The following WDR36 variants were observed in gnomAD, a reference collection of about 807,000 sequenced individuals.
WDR36 encodes the protein WD repeat domain 36, also known as WD repeat-containing protein 36.
A neutral mutation model predicts 112.7 loss-of-function variants in WDR36; 63 were observed. That is an observed-to-expected ratio of 0.56 (90% CI 0.46 to 0.69). The LOEUF (loss-of-function observed/expected upper bound fraction) is 0.69, where lower values mean the gene tolerates loss of function less well. WDR36 is among the 30% of genes least tolerant of loss of function. WDR36 has a pLI of 0.00. For synonymous variants in WDR36, 410 were observed against 362.2 expected (o/e 1.13, Z -1.50); for missense variants, 1,226 against 1,070.3 (o/e 1.15, Z -2.03).
intron 12 of WDR36, among the ~76,000 whole-genome samples, chr5:111,108,053 T>C (rs753374399): frequency 5.9e-5 from 9 of 151,392 alleles, no homozygotes; most frequent in Non-Finnish European, 8.9e-5. Context: ...AGGGATTTCA[T>C]TTTGATTTTA....
chr5:111,111,537 G>A, intron 15 of WDR36: 1 of 396,658 alleles, frequency 2.5e-6, no homozygotes, highest in Non-Finnish European at 4.7e-6. Context: ...ATACTTTAGA[G>A]AATGAATGAT....
chr5:111,123,703 C>A, intron 19 of WDR36, 102 bp from the exon 20 acceptor site: 1 of 1,449,938 alleles, frequency 6.9e-7, no homozygotes, highest in Non-Finnish European at 9.5e-7. Context: ...TTTCATTCCT[C>A]TTTTACTTTT....
At chr5:111,094,987 CTTTTT>C in intron 2 of WDR36, 40 bp downstream of exon 2, 1 of 1,565,690 alleles carries the variant, frequency 6.4e-7, no homozygotes, top group Non-Finnish European at 8.7e-7. Flanking sequence ...CACATCTAAA[CTTTTT>C]TTTTATTTTG....
chr5:111,100,030 A>T (rs1301130018), intron 4 of WDR36, among the ~76,000 whole-genome samples: 1 of 151,792 alleles, frequency 6.6e-6, no homozygotes, highest in African/African-American at 2.4e-5. Context: ...ACCACTGGTG[A>T]TGCCACCCCC....
In WDR36 at chr5:111,116,859, G is replaced by T. The variant is rs185535057; in HGVS notation, c.1797-2154G>T. Among the ~76,000 whole-genome samples, 338 of 152,312 alleles carry T rather than the reference G, an allele frequency of 2.2e-3. 2 individuals carry two copies. Among genetic ancestry groups the T allele is most frequent in the Middle Eastern group, 0.017 (5 of 294 alleles). On this transcript the variant is annotated intron_variant, in intron 16 of 22. Coordinates refer to ENST00000513710, the MANE Select transcript of WDR36 (RefSeq NM_139281.3). ...TTTGAAGTAAAATAAGTTTGCTCAA[G>T]CAGTAAGCTTTTTAACAGATAGTAC...
chr5:111,099,024 G>A (rs1437173650), intron 4 of WDR36, among the ~76,000 whole-genome samples, 185 bp downstream of exon 4: 1 of 152,108 alleles, frequency 6.6e-6, no homozygotes, highest in East Asian at 1.9e-4. Flanking sequence ...ACTTTAGCAA[G>A]TTAACTACTT....
At chr5:111,126,488 C>G (rs972775063) in intron 22 of WDR36, among the ~76,000 whole-genome samples, 3 of 152,042 alleles carry the variant, frequency 2.0e-5, no homozygotes, top group Admixed American at 2.0e-4. Context: ...AGTATCAGGA[C>G]TGTCCTTAGG....
chr5:111,103,446 T>C (rs1753161189), intron 6 of WDR36, among the ~76,000 whole-genome samples: 1 of 151,794 alleles, frequency 6.6e-6, no homozygotes, highest in African/African-American at 2.4e-5. Flanking sequence ...TTTTTCTGTT[T>C]CCATCCAGTC....
chr5:111,110,353 T>C (rs755355145), intron 13 of WDR36, 50 bp downstream of exon 13: 3 of 1,414,530 alleles, frequency 2.1e-6, no homozygotes, highest in Admixed American at 1.7e-5. Flanking sequence ...GATACAAAAC[T>C]AGTAGTGAAA....
At position 111,125,778 on chromosome 5, in the gene WDR36, C is replaced by T; in HGVS notation, c.2521C>T (p.Leu841Phe). Reference sequence around the variant, plus strand: ...TGATTTTGAGTTAGCCCAGGCATACCTTGCATTGTTTCTAAAGGTAAGTCT... The same window carrying T: ...TGATTTTGAGTTAGCCCAGGCATACTTTGCATTGTTTCTAAAGGTAAGTCT... ...KRDFELAQAY[L>F]ALFLKLHLKM... The change falls in exon 22 of 23, where the codon CTT becomes TTT. Residue 841 changes from leucine (L) to phenylalanine (F), a missense_variant. Coordinates refer to ENST00000513710, the MANE Select transcript of WDR36 (RefSeq NM_139281.3). 1.2e-6 allele frequency: 2 copies of T among 1,613,726 alleles called. No homozygotes were observed. The highest frequency in any genetic ancestry group is 1.7e-6 in the Non-Finnish European group (2 of 1,179,774).
intron 10 of WDR36, among the ~76,000 whole-genome samples, chr5:111,105,578 T>C (rs1038024900): frequency 5.9e-5 from 9 of 151,530 alleles, no homozygotes; most frequent in Non-Finnish European, 1.2e-4. Context: ...ACATCTTGGG[T>C]GGTAAAAACA....
chr5:111,119,724 A>G (rs1017749437), intron 17 of WDR36, among the ~76,000 whole-genome samples: 2 of 152,140 alleles, frequency 1.3e-5, no homozygotes, highest in African/African-American at 4.8e-5. Flanking sequence ...TTATAAAAGA[A>G]TTAATTATAA....
intron 22 of WDR36, 108 bp downstream of exon 22, chr5:111,125,903 T>C (rs990078470): frequency 2.7e-5 from 30 of 1,127,644 alleles, no homozygotes; most frequent in Non-Finnish European, 3.6e-5. Flanking sequence ...TCCTTTCCAG[T>C]ATCATAGCCA....
rs200337257 is a variant in WDR36 at position 111,092,567 on chromosome 5, G to C, written c.111G>C (p.Lys37Asn). The part of the protein sequence containing the change: ...IPHVVRFSAL[K>N]RRFYVTTCVG... ...ACGTGGTGCGGTTCAGCGCGCTCAA[G>C]CGCCGGTTCTATGTAACAACCTGCG... The change falls in exon 1 of 23, where the codon AAG (lysine) becomes AAC (asparagine). Residue 37 changes from lysine (K) to asparagine (N), a missense_variant. By Grantham distance (94) the Lys-to-Asn change is moderately conservative (BLOSUM62 0). Transcript: ENST00000513710. 1.2e-6 allele frequency: 2 copies of C among 1,614,090 alleles called. No homozygotes were observed. Among genetic ancestry groups the C allele is most frequent in the Non-Finnish European group, 1.7e-6 (2 of 1,180,048 alleles).
rs775342501 is a variant in WDR36 at position 111,107,407 on chromosome 5, A to C, written c.1294A>C (p.Lys432Gln). The C allele has an allele frequency of 2.5e-6, 4 of 1,610,384 alleles. No individual in the cohort carries two copies. In the East Asian group the frequency reaches 6.7e-5, roughly 27 times the overall value. Residue 432 changes from lysine (K) to glutamine (Q), a missense_variant, in exon 12 of 23, where the codon AAA becomes CAA. Transcript: ENST00000513710. ...STIGAYFLKP[K>Q]ELKKDDITAT... ...AATAGGCGCTTACTTTCTCAAGCCA[A>C]AAGAGTTGAAGAAAGATGACATAAC...
chr5:111,129,298 A>T lies in WDR36; in HGVS notation c.*2415A>T, dbSNP rs1358185621. ...TTCAGGCCAGAGTATAACCATTTTT[A>T]ATTTGAAGAGATACTTCCATTTGGG... On this transcript the variant is annotated 3_prime_UTR_variant, in exon 23 of 23. Transcript: ENST00000513710. The T allele has an allele frequency of 1.5e-5, 3 of 195,674 alleles. No individual in the cohort carries two copies. The highest frequency in any genetic ancestry group is 3.2e-5 in the Non-Finnish European group (3 of 94,240). 12.1% of individuals were successfully genotyped at this position (195,674 alleles called of 1,614,324 possible).
chr5:111,126,871 T>C lies in WDR36; in HGVS notation c.2676T>C (p.Ser892=), dbSNP rs2112594715. The change falls in exon 23 of 23, where the codon AGT becomes AGC. Residue 892 remains serine, a synonymous_variant. Coordinates refer to ENST00000513710, the MANE Select transcript of WDR36 (RefSeq NM_139281.3). Reference sequence around the variant, plus strand: ...TGTGTATTTTAAATTATCTCAAAAGTGCTTTGTTGTAAAAATAAATTTGTG... The same window carrying C: ...TGTGTATTTTAAATTATCTCAAAAGCGCTTTGTTGTAAAAATAAATTTGTG... The part of the protein sequence containing the change: ...QSMCILNYLK[S]ALL 1.2e-6 allele frequency: 2 copies of C among 1,602,264 alleles called. No homozygotes were observed. The highest frequency in any genetic ancestry group is 1.7e-6 in the Non-Finnish European group (2 of 1,174,706).
At position 111,104,290 on chromosome 5, in the gene WDR36, G is replaced by A. The variant is rs143572710; in HGVS notation, c.844G>A (p.Gly282Arg). ...AAATGCACACTCTACAGCAATTGCC[G>A]GACTGACATTTCTCCATAGAGAGCC... ...MRNAHSTAIA[G>R]LTFLHREPLL... Residue 282 changes from glycine to arginine, a missense_variant, in exon 8 of 23, where the codon GGA becomes AGA. Gly to Arg is a moderately radical substitution (Grantham distance 125). Coordinates refer to ENST00000513710, the MANE Select transcript of WDR36 (RefSeq NM_139281.3). 2.1e-4 allele frequency: 334 copies of A among 1,612,030 alleles called. No homozygotes were observed. Among genetic ancestry groups the A allele is most frequent in the Non-Finnish European group, 2.7e-4 (317 of 1,178,566 alleles).
At position 111,092,374 on chromosome 5, in the gene WDR36, C is replaced by G. The variant is rs1320261579; in HGVS notation, c.-83C>G. The G allele has an allele frequency of 2.5e-6, 4 of 1,614,246 alleles. No individual in the cohort carries two copies. Among genetic ancestry groups the G allele is most frequent in the Admixed American group, 3.3e-5 (2 of 60,034 alleles). ...TTGTGTCTGCAGCTCTGGCAGAGGA[C>G]TGTTCCACTAGACACGCTGAAGGGA... On this transcript the variant is annotated 5_prime_UTR_variant, in exon 1 of 23. Coordinates refer to ENST00000513710, the MANE Select transcript of WDR36 (RefSeq NM_139281.3).
Sources: allele counts gnomAD v4.1 joint callset (sites outside exome capture counted in the v4.1 genomes callset), GRCh38; gene constraint gnomAD v4.1.1; transcripts MANE v1.5; gene names NCBI Gene and HGNC (gene_info 2026-07-23, HGNC 2026-07-21).